Variants in SLC38A9 observed in about 807,000 individuals in gnomAD.
The protein encoded by SLC38A9 is solute carrier family 38 member 9.
In SLC38A9, 48 loss-of-function variants were observed where a neutral mutation model predicts 62.3. That is an observed-to-expected ratio of 0.77 (90% CI 0.61 to 0.98). SLC38A9 has a LOEUF of 0.98. Among genes scored for constraint, SLC38A9 ranks in the 50% least tolerant of loss-of-function variants. The pLI, the probability that SLC38A9 is intolerant of heterozygous loss-of-function variation, is 0.00. For synonymous variants in SLC38A9, 204 were observed against 227.7 expected (o/e 0.90, Z 0.94); for missense variants, 541 against 679.8 (o/e 0.80, Z 2.27).
intron 3 of SLC38A9, among the ~76,000 whole-genome samples, chr5:55,683,192 T>C (rs151037629): frequency 7.6e-4 from 115 of 152,218 alleles, no homozygotes; most frequent in Non-Finnish European, 1.3e-3. Context: ...TAGGAGTAAA[T>C]ACAGTAAATA....
intron 2 of SLC38A9, among the ~76,000 whole-genome samples, chr5:55,700,278 T>C (rs1448658439): frequency 6.6e-6 from 1 of 150,378 alleles, no homozygotes; most frequent in Non-Finnish European, 1.5e-5. Flanking sequence ...GAGGCAGAGG[T>C]TGCAGTGAGC....
chr5:55,640,147 G>C (rs1238260521), intron 12 of SLC38A9, among the ~76,000 whole-genome samples: 1 of 151,806 alleles, frequency 6.6e-6, no homozygotes, highest in African/African-American at 2.4e-5. Flanking sequence ...CACCATGCTC[G>C]GCTAATTTCT....
At chr5:55,678,647 T>TTG (rs35733697) in intron 3 of SLC38A9, among the ~76,000 whole-genome samples, 36,717 of 55,278 alleles carry the variant, frequency 0.66, 11,299 homozygotes, top group South Asian at 0.73. Context: ...GAAATGAACT[T>TTG]TTTTTTTTTT....
intron 8 of SLC38A9, among the ~76,000 whole-genome samples, chr5:55,661,229 G>C (rs1343323422): frequency 6.6e-6 from 1 of 152,000 alleles, no homozygotes; most frequent in Non-Finnish European, 1.5e-5. Context: ...CGGATCATGA[G>C]GTCAGGAGAT....
At chr5:55,670,665 C>A (rs562172070) in intron 4 of SLC38A9, among the ~76,000 whole-genome samples, 3 of 152,298 alleles carry the variant, frequency 2.0e-5, no homozygotes, top group Middle Eastern at 6.8e-3. Flanking sequence ...CTTTGGTGCA[C>A]ATGCTGACTC....
intron 3 of SLC38A9, among the ~76,000 whole-genome samples, chr5:55,690,823 A>C (rs1279610962): frequency 6.6e-6 from 1 of 152,202 alleles, no homozygotes; most frequent in Admixed American, 6.5e-5. Context: ...GGAGTTAGAG[A>C]TGTCTTAAAT....
chr5:55,627,523 G>A (rs1448788414), intron 15 of SLC38A9, among the ~76,000 whole-genome samples: 1 of 151,988 alleles, frequency 6.6e-6, no homozygotes, highest in African/African-American at 2.4e-5. Flanking sequence ...ACTTAGAATG[G>A]ATTAAGGAAG....
At chr5:55,680,833 T>G (rs1752892411) in intron 3 of SLC38A9, among the ~76,000 whole-genome samples, 1 of 152,272 alleles carries the variant, frequency 6.6e-6, no homozygotes, top group Non-Finnish European at 1.5e-5. Flanking sequence ...GGCTGTATTT[T>G]CAATCCAGAT....
At chr5:55,688,380 C>CTT (rs767493953) in intron 3 of SLC38A9, among the ~76,000 whole-genome samples, 61,739 of 122,788 alleles carry the variant, frequency 0.5, 17,543 homozygotes, top group Non-Finnish European at 0.63. Context: ...GGCATAATCT[C>CTT]TTTTTTTTTT....
At chr5:55,666,316 A>G (rs896782450) in intron 7 of SLC38A9, among the ~76,000 whole-genome samples, 5 of 152,248 alleles carry the variant, frequency 3.3e-5, no homozygotes, top group Non-Finnish European at 5.9e-5. Context: ...TTACATTTCA[A>G]TGTTCAAGAA....
Position 55,625,956 on chromosome 5 carries a change from C to G in SLC38A9, c.*538G>C, listed in dbSNP as rs1742361542. 6.6e-6 allele frequency: 1 copy of G among 152,640 alleles called. No homozygotes were observed. The highest frequency in any genetic ancestry group is 2.1e-4 in the South Asian group (1 of 4,826). The allele number at this position is 152,640 out of a possible 1,614,324, so 9.5% of individuals were successfully genotyped here. On this transcript the variant is annotated 3_prime_UTR_variant, in exon 16 of 16. Coordinates refer to ENST00000396865, the MANE Select transcript of SLC38A9 (RefSeq NM_173514.4). ...CTTTTTCTTCAAATAGAGATTAAGA[C>G]TCAGTTAAAAATGTACTTTATTAAC...
At chr5:55,696,741 C>G in intron 3 of SLC38A9, 1 of 138,188 alleles carries the variant, frequency 7.2e-6, no homozygotes. Flanking sequence ...GGCTGCCGGG[C>G]GGAGACGCTC....
At chr5:55,668,428 T>G (rs114219085) in intron 7 of SLC38A9, among the ~76,000 whole-genome samples, 1,608 of 152,296 alleles carry the variant, frequency 0.011, 25 homozygotes, top group African/African-American at 0.037. Context: ...AGATGAAGTA[T>G]TGCTACAGTG....
chr5:55,703,416 A>T (rs935395629), intron 2 of SLC38A9, among the ~76,000 whole-genome samples: 6 of 152,228 alleles, frequency 3.9e-5, no homozygotes, highest in Non-Finnish European at 8.8e-5. Flanking sequence ...AAAAAGAATA[A>T]GTAAGTTGAC....
chr5:55,652,579 G>A lies in SLC38A9; in HGVS notation c.902C>T (p.Pro301Leu). 2 of 1,610,522 alleles carry A rather than the reference G, an allele frequency of 1.2e-6. No homozygotes were observed. Among genetic ancestry groups the A allele is most frequent in the Non-Finnish European group, 1.7e-6 (2 of 1,178,002 alleles). The change falls in exon 10 of 16, where the codon CCA (proline) becomes CTA (leucine). Residue 301 changes from proline (P) to leucine (L), a missense_variant. Physicochemically the swap from Pro to Leu is moderately conservative, Grantham distance 98. Coordinates refer to ENST00000396865, the MANE Select transcript of SLC38A9 (RefSeq NM_173514.4). ...TGAAGGAGACTTGAAATTGAGCAGTGGGAGGAGGAGCCCTACAAGATAAAA... is the reference window on the plus strand; with the variant it reads ...TGAAGGAGACTTGAAATTGAGCAGTAGGAGGAGGAGCCCTACAAGATAAAA... The part of the protein sequence containing the change: ...VPFYLVGLLL[P>L]LLNFKSPSFF...
Position 55,670,778 on chromosome 5 carries a change from C to A in SLC38A9, c.247-899G>T, listed in dbSNP as rs139086283. ...GCCTCTAGAAGGTCTCAACTAGACC[C>A]AGAGATACAGGATTATCTCTACTCC... On this transcript the variant is annotated intron_variant, in intron 4 of 15. Coordinates refer to ENST00000396865, the MANE Select transcript of SLC38A9 (RefSeq NM_173514.4). Among the ~76,000 whole-genome samples the A allele has an allele frequency of 1.3e-3, 199 of 152,172 alleles. No individual in the cohort carries two copies. In the Middle Eastern group the frequency reaches 0.014, roughly 10 times the overall value.
At chr5:55,647,990 A>C (rs1746695101) in intron 11 of SLC38A9, among the ~76,000 whole-genome samples, 1 of 152,202 alleles carries the variant, frequency 6.6e-6, no homozygotes, top group Non-Finnish European at 1.5e-5. Context: ...CTGTAATCCC[A>C]GCACTTTGGG....
In SLC38A9 at chr5:55,697,839, T is replaced by A. The variant is rs752111281; in HGVS notation, c.113+7A>T. 8.8e-6 allele frequency: 13 copies of A among 1,475,126 alleles called. No individual in the cohort carries two copies. 91.4% of individuals were successfully genotyped at this position (1,475,126 alleles called of 1,614,324 possible). ...ATTATGAAATGTGTTTTATTTTAAA[T>A]GCTTACCTTTTGGATCTTAGATCCG... On this transcript the variant is annotated splice_region_variant and intron_variant, in intron 3 of 15. Transcript: ENST00000396865.
intron 3 of SLC38A9, among the ~76,000 whole-genome samples, chr5:55,676,983 A>T (rs1752195621): frequency 6.6e-6 from 1 of 152,220 alleles, no homozygotes; most frequent in Non-Finnish European, 1.5e-5. Context: ...ACACACATGG[A>T]TTCAAAATTT....
Sources: allele counts gnomAD v4.1 joint callset (sites outside exome capture counted in the v4.1 genomes callset), GRCh38; gene constraint gnomAD v4.1.1; transcripts MANE v1.5; gene names NCBI Gene and HGNC (gene_info 2026-07-23, HGNC 2026-07-21).